Variants in COG4 observed in about 807,000 individuals in gnomAD.
COG4 encodes the protein component of oligomeric golgi complex 4.
In COG4, 65 loss-of-function variants were observed where a neutral mutation model predicts 95.1. The ratio of observed to expected loss-of-function variants is 0.68; its 90% confidence interval spans 0.56 to 0.84. The LOEUF (loss-of-function observed/expected upper bound fraction) is 0.84. Ranked by LOEUF, COG4 falls within the 40% of genes least tolerant of loss-of-function variation. The pLI is 0.00. For missense variants in COG4, 1,045 were observed against 989.1 expected, an observed-to-expected ratio of 1.06 and a Z score of -0.76; for synonymous variants, 421 against 374.8, an observed-to-expected ratio of 1.12 and a Z score of -1.42.
chr16:70,495,897 C>T (rs1395221701), intron 12 of COG4, among the ~76,000 whole-genome samples: 10 of 152,210 alleles, frequency 6.6e-5, no homozygotes, highest in East Asian at 3.9e-4. Flanking sequence ...GCCCATGCTG[C>T]GGGCCTCTCC....
In COG4 at chr16:70,483,923, G is replaced by T; in HGVS notation, c.1757C>A (p.Ala586Asp). Residue 586 changes from alanine to aspartate, a missense_variant, in exon 14 of 19, where the codon GCC becomes GAC. Coordinates refer to ENST00000323786, the MANE Select transcript of COG4 (RefSeq NM_015386.3). ...AAGGCAGCTGTCAAACTTGGCCTGG[G>T]CCTGCTCCCCTCCAATGCCCTGGCT... Reference protein sequence around the residue: ...LFSQGIGGEQAQAKFDSCLSD... With the variant: ...LFSQGIGGEQDQAKFDSCLSD... 5 of 1,613,234 alleles carry T rather than the reference G, an allele frequency of 3.1e-6. No individual in the cohort carries two copies. The highest frequency in any genetic ancestry group is 4.2e-6 in the Non-Finnish European group (5 of 1,180,018).
intron 12 of COG4, among the ~76,000 whole-genome samples, chr16:70,495,397 CAA>C (rs11382671): frequency 1.7e-4 from 19 of 111,248 alleles, no homozygotes; most frequent in Admixed American, 3.8e-4. Context: ...GACTCCATCT[CAA>C]AAAAAAAAAA....
At chr16:70,512,146 G>C (rs1390493347) in intron 5 of COG4, 93 bp downstream of exon 5, 2 of 1,194,298 alleles carry the variant, frequency 1.7e-6, no homozygotes, top group East Asian at 2.4e-5. Flanking sequence ...ATCCAGAAGA[G>C]AGAAAGTATC....
chr16:70,482,696 C>G (rs766180073), intron 15 of COG4, 33 bp downstream of exon 15: 1 of 1,576,534 alleles, frequency 6.3e-7, no homozygotes, highest in African/African-American at 1.3e-5. Flanking sequence ...GAGGGGTCAT[C>G]GGGGCTTGAT....
chr16:70,499,175 AT>A (rs563645212), intron 9 of COG4, among the ~76,000 whole-genome samples: 156 of 149,062 alleles, frequency 1.0e-3, no homozygotes, highest in Non-Finnish European at 1.7e-3. Context: ...GGAACTGAAT[AT>A]TTTTTTTTTT....
At position 70,504,836 on chromosome 16, in the gene COG4, G is replaced by A. The variant is rs1332243434; in HGVS notation, c.1061+3570C>T. ...TGAGGCAGGAGAATTGCTTGAACCC[G>A]GGAGGCGTAGGTTGCAGTGAGCTGA... On this transcript the variant is annotated intron_variant, in intron 8 of 18. Coordinates refer to ENST00000323786, the MANE Select transcript of COG4 (RefSeq NM_015386.3). Among the ~76,000 whole-genome samples the A allele has an allele frequency of 2.6e-5, 4 of 151,274 alleles. No individual in the cohort carries two copies. In the East Asian group the frequency reaches 5.8e-4, roughly 22 times the overall value.
chr16:70,490,957 C>T lies in COG4; in HGVS notation c.1648-565G>A, dbSNP rs150556168. Among the ~76,000 whole-genome samples, 360 of 151,978 alleles carry T rather than the reference C, an allele frequency of 2.4e-3. 2 individuals carry two copies. In the Middle Eastern group the frequency reaches 0.048, roughly 20 times the overall value. On this transcript the variant is annotated intron_variant, in intron 12 of 18. Transcript: ENST00000323786. ...TACAGGCGTGAGCCACTGCGCCCGG[C>T]GAGGTTTCAGGTCTTCTTGTACTGT... is the stretch of plus-strand genomic sequence containing the variant.
chr16:70,516,221 G>A (rs1167422986), intron 3 of COG4, among the ~76,000 whole-genome samples: 1 of 151,988 alleles, frequency 6.6e-6, no homozygotes, highest in African/African-American at 2.4e-5. Context: ...TGTGTTCCTA[G>A]GATAAATTCC....
At chr16:70,485,726 C>T (rs1021275829) in intron 13 of COG4, among the ~76,000 whole-genome samples, 6 of 150,666 alleles carry the variant, frequency 4.0e-5, no homozygotes, top group South Asian at 4.2e-4. Context: ...GCTGGGATTA[C>T]GGGCACCCAC....
intron 12 of COG4, among the ~76,000 whole-genome samples, chr16:70,493,644 C>T (rs937966041): frequency 1.3e-5 from 2 of 152,164 alleles, no homozygotes; most frequent in Admixed American, 6.5e-5. Context: ...TTCACAGACA[C>T]GTGCAGGGAA....
In COG4 at chr16:70,490,366, G is replaced by A. The variant is rs766819645; in HGVS notation, c.1674C>T (p.Cys558=). The A allele has an allele frequency of 8.1e-6, 13 of 1,613,816 alleles. No individual in the cohort carries two copies. In the South Asian group the frequency reaches 1.3e-4, roughly 16 times the overall value. The change falls in exon 13 of 19, where the codon TGC becomes TGT. Residue 558 remains cysteine (C), a synonymous_variant. Transcript: ENST00000323786. ...FLVTLNNVEV[C]SENISTLKKT... The stretch of plus-strand genomic sequence containing the variant: ...TCTTCAGAGTGGAGATGTTTTCACT[G>A]CAGACTTCCACGTTGTTCAGAGTCA...
chr16:70,482,048 G>T, intron 16 of COG4, 44 bp downstream of exon 16: 1 of 1,528,072 alleles, frequency 6.5e-7, no homozygotes, highest in Non-Finnish European at 9.1e-7. Flanking sequence ...GGTTTGGGCT[G>T]ACGTGGGTAA....
intron 17 of COG4, 78 bp downstream of exon 17, chr16:70,481,686 A>G: frequency 7.1e-7 from 1 of 1,399,520 alleles, no homozygotes; most frequent in Non-Finnish European, 1.0e-6. Context: ...AGGGGATGCA[A>G]GTCCTGGGGG....
rs2049344625 is a variant in COG4 at position 70,496,575 on chromosome 16, C to G, written c.1482-144G>C. The G allele has an allele frequency of 9.1e-6, 7 of 766,322 alleles. No homozygotes were observed. In the South Asian group the frequency reaches 1.1e-4, roughly 12 times the overall value. 47.5% of individuals were successfully genotyped at this position (766,322 alleles called of 1,614,324 possible). On this transcript the variant is annotated intron_variant, in intron 11 of 18. Coordinates refer to ENST00000323786, the MANE Select transcript of COG4 (RefSeq NM_015386.3). ...AGTCCTTAAGACCACTGTAGGAGAC[C>G]TGAGGAGCCAGGGTATGAAAGTAAC... is the stretch of plus-strand genomic sequence containing the variant.
At chr16:70,489,796 C>T (rs997269666) in intron 13 of COG4, among the ~76,000 whole-genome samples, 10 of 152,018 alleles carry the variant, frequency 6.6e-5, no homozygotes, top group East Asian at 1.9e-4. Flanking sequence ...CAAGGTCACA[C>T]GCCAACTATG....
At position 70,481,750 on chromosome 16, in the gene COG4, C is replaced by A. The variant is rs373597446; in HGVS notation, c.2106+14G>T. 11 of 1,607,150 alleles carry A rather than the reference C, an allele frequency of 6.8e-6. No homozygotes were observed. The South Asian group carries it at 8.8e-5, about 13-fold the overall frequency. ...AGAAACGAGAGCCGCAGACCCATGA[C>A]CCCTTTACCTTACCCGGTTAAAGGT... On this transcript the variant is annotated intron_variant, in intron 17 of 18. Transcript: ENST00000323786.
intron 9 of COG4, among the ~76,000 whole-genome samples, chr16:70,498,333 ATT>A (rs946488510): frequency 6.9e-6 from 1 of 145,436 alleles, no homozygotes; most frequent in Admixed American, 6.9e-5. Context: ...ATTTTTAACT[ATT>A]TTTTTTTTTT....
chr16:70,511,490 G>A (rs980405089), intron 5 of COG4, among the ~76,000 whole-genome samples: 1 of 151,972 alleles, frequency 6.6e-6, no homozygotes, highest in African/African-American at 2.4e-5. Flanking sequence ...TGAGGTGGGA[G>A]GACTGCTTGA....
At chr16:70,482,946 C>A in intron 14 of COG4, 125 bp from the exon 15 acceptor site, 2 of 699,264 alleles carry the variant, frequency 2.9e-6, no homozygotes, top group South Asian at 3.0e-5. Flanking sequence ...CCATCCCTTC[C>A]TTCTCTCCTC....
Sources: gnomAD v4.1 joint callset for allele counts (sites outside exome capture counted in the v4.1 genomes callset) on GRCh38, gnomAD v4.1.1 for gene constraint, MANE v1.5 for transcripts, NCBI Gene and HGNC (gene_info 2026-07-23, HGNC 2026-07-21) for gene names.